Variants in DCDC1 observed in about 807,000 individuals in gnomAD.
DCDC1 encodes the protein doublecortin domain-containing protein 1.
Under a neutral mutation model 178.3 loss-of-function variants are expected in DCDC1, and 200 were observed. That is an observed-to-expected ratio of 1.12 (90% CI 1.00 to 1.26). The LOEUF is 1.26. Among genes scored for constraint, DCDC1 ranks in the 50% most tolerant of loss-of-function variants. DCDC1 has a pLI of 0.00. For missense variants in DCDC1, 1,983 were observed against 1,749.2 expected (o/e 1.13, Z -2.38); for synonymous variants, 690 against 604.8 (o/e 1.14, Z -2.07).
chr11:30,896,115 T>C (rs1322398215), intron 34 of DCDC1, among the ~76,000 whole-genome samples: 6 of 152,248 alleles, frequency 3.9e-5, no homozygotes, highest in African/African-American at 1.4e-4. Flanking sequence ...CAAAAGATTT[T>C]AGTCTGGGGA....
At chr11:30,998,181 A>G (rs1171248152) in intron 20 of DCDC1, among the ~76,000 whole-genome samples, 2 of 152,032 alleles carry the variant, frequency 1.3e-5, no homozygotes, top group Non-Finnish European at 2.9e-5. Flanking sequence ...AGTCCTAGCT[A>G]CTCAGGGGGC....
intron 9 of DCDC1, among the ~76,000 whole-genome samples, chr11:31,240,538 T>C (rs773341447): frequency 6.6e-6 from 1 of 152,122 alleles, no homozygotes; most frequent in Non-Finnish European, 1.5e-5. Context: ...TGATAGCCCA[T>C]TCCCACCTCC....
intron 9 of DCDC1, among the ~76,000 whole-genome samples, chr11:31,140,374 A>T (rs1963672062): frequency 6.6e-6 from 1 of 152,204 alleles, no homozygotes; most frequent in Admixed American, 6.5e-5. Flanking sequence ...GGAGGAAATC[A>T]AGTCACTTGG....
At chr11:31,063,049 C>A (rs190583085) in intron 20 of DCDC1, among the ~76,000 whole-genome samples, 1 of 147,962 alleles carries the variant, frequency 6.8e-6, no homozygotes, top group African/African-American at 2.5e-5. Flanking sequence ...AGGATATGAA[C>A]AGACACTTCT....
At chr11:30,993,320 GT>G (rs1951087116) in intron 20 of DCDC1, among the ~76,000 whole-genome samples, 1 of 152,004 alleles carries the variant, frequency 6.6e-6, no homozygotes, top group South Asian at 2.1e-4. Context: ...GATTGCCCGT[GT>G]TATAGCACTA....
intron 9 of DCDC1, among the ~76,000 whole-genome samples, chr11:31,237,269 A>G (rs1241652741): frequency 6.6e-6 from 1 of 151,934 alleles, no homozygotes; most frequent in East Asian, 1.9e-4. Context: ...AACAAAATAC[A>G]TTTCAATTTT....
chr11:30,950,621 T>G (rs890473207), intron 21 of DCDC1, among the ~76,000 whole-genome samples: 7 of 152,126 alleles, frequency 4.6e-5, no homozygotes, highest in African/African-American at 1.7e-4. Flanking sequence ...TATTGTATGT[T>G]TTCACTCATA....
intron 1 of DCDC1, among the ~76,000 whole-genome samples, chr11:31,340,776 C>T (rs931533304): frequency 6.6e-6 from 1 of 152,136 alleles, no homozygotes; most frequent in Non-Finnish European, 1.5e-5. Context: ...TGCCAGCCTA[C>T]CCATCAGATA....
rs1480071388 is a variant in DCDC1 at position 31,091,519 on chromosome 11, T to A, written c.2119-8A>T. 4.1e-6 allele frequency: 3 copies of A among 740,682 alleles called. No homozygotes were observed. Among genetic ancestry groups the A allele is most frequent in the Non-Finnish European group, 4.9e-6 (2 of 404,278 alleles). 45.9% of individuals were successfully genotyped at this position (740,682 alleles called of 1,614,324 possible). On this transcript the variant is annotated splice_polypyrimidine_tract_variant and splice_region_variant and intron_variant, in intron 16 of 38. Coordinates refer to ENST00000684477, the MANE Select transcript of DCDC1 (RefSeq NM_001387274.1). ...GCTCAGGATCATTCCAGTCTTCCAA[T>A]GAATAGAGAGGGGGAGAAAGGTCTA...
chr11:30,881,241 C>T lies in DCDC1; in HGVS notation c.5150G>A (p.Gly1717Glu), dbSNP rs750936814. 107 of 1,613,438 alleles carry T rather than the reference C, an allele frequency of 6.6e-5. No homozygotes were observed. The highest frequency in any genetic ancestry group is 8.7e-5 in the Non-Finnish European group (103 of 1,179,640). The change falls in exon 37 of 39, where the codon GGA (glycine) becomes GAA (glutamate). Residue 1717 changes from glycine to glutamate, a missense_variant. Physicochemically the swap from Gly to Glu is moderately conservative, Grantham distance 98 (BLOSUM62 -2). Coordinates refer to ENST00000684477, the MANE Select transcript of DCDC1 (RefSeq NM_001387274.1). ...GTCGTCCCAGGACTGAATTGGCTCT[C>T]CACTGGGGGTGTACAGTGCTCTAGC... is the stretch of plus-strand genomic sequence containing the variant. The part of the protein sequence containing the change: ...HPARALYTPS[G>E]EPIQSWDDIE...
intron 2 of DCDC1, among the ~76,000 whole-genome samples, chr11:31,333,684 T>C (rs529567885): frequency 6.6e-6 from 1 of 152,336 alleles, no homozygotes; most frequent in East Asian, 1.9e-4. Context: ...AATTCTTTTC[T>C]TTAAGAATGA....
rs187308807 is a variant in DCDC1, at chr11:31,283,294, T to C, written c.960+7353A>G. 9.2e-5 allele frequency among the ~76,000 whole-genome samples: 14 copies of C among 152,246 alleles called. 1 individual carries two copies. The East Asian group carries it at 2.3e-3, about 25-fold the overall frequency. The stretch of plus-strand genomic sequence containing the variant: ...CTGCTTCTCTACACTGCAGTTTGGA[T>C]AGCTTCATTGCCCTGTCTTGAAGTT... On this transcript the variant is annotated intron_variant, in intron 7 of 38. Coordinates refer to ENST00000684477, the MANE Select transcript of DCDC1 (RefSeq NM_001387274.1).
At chr11:31,218,242 CAA>C (rs1973822517) in intron 9 of DCDC1, among the ~76,000 whole-genome samples, 1 of 151,634 alleles carries the variant, frequency 6.6e-6, no homozygotes, top group African/African-American at 2.4e-5. Flanking sequence ...TCACAAAAGC[CAA>C]AACACTAGAA....
At chr11:31,327,708 T>A (rs1949722538) in intron 3 of DCDC1, among the ~76,000 whole-genome samples, 1 of 152,022 alleles carries the variant, frequency 6.6e-6, no homozygotes, top group Non-Finnish European at 1.5e-5. Flanking sequence ...CATCTCAAAG[T>A]TACTTATTTA....
intron 7 of DCDC1, among the ~76,000 whole-genome samples, chr11:31,283,870 A>G (rs1946629624): frequency 6.6e-6 from 1 of 152,146 alleles, no homozygotes; most frequent in African/African-American, 2.4e-5. Flanking sequence ...ATTGCCCTGC[A>G]AATTTCAGCT....
intron 27 of DCDC1, 95 bp downstream of exon 27, chr11:30,915,416 C>G (rs1191329635): frequency 9.7e-6 from 13 of 1,335,646 alleles, no homozygotes; most frequent in Non-Finnish European, 1.2e-5. Context: ...CCAGAATTCT[C>G]AGATATAGTT....
chr11:31,086,882 G>A (rs995926704), intron 17 of DCDC1, among the ~76,000 whole-genome samples: 7 of 152,044 alleles, frequency 4.6e-5, no homozygotes, highest in Admixed American at 1.3e-4. Flanking sequence ...TTGTGACCAG[G>A]ATAATGCTGA....
intron 3 of DCDC1, among the ~76,000 whole-genome samples, chr11:31,308,345 T>C (rs1208092464): frequency 2.0e-5 from 3 of 152,250 alleles, no homozygotes; most frequent in Non-Finnish European, 2.9e-5. Flanking sequence ...GTTAAAAATA[T>C]GTGGGTCCTA....
chr11:31,046,824 A>T (rs1255476689), intron 20 of DCDC1, among the ~76,000 whole-genome samples: 1 of 152,056 alleles, frequency 6.6e-6, no homozygotes. Flanking sequence ...CCATTCTCAA[A>T]CTGGCAGAAC....
Sources: allele counts gnomAD v4.1 joint callset (sites outside exome capture counted in the v4.1 genomes callset), GRCh38; gene constraint gnomAD v4.1.1; transcripts MANE v1.5; gene names NCBI Gene and HGNC (gene_info 2026-07-23, HGNC 2026-07-21).